The following DPH6 variants were observed in gnomAD, a reference collection of about 807,000 sequenced individuals.
DPH6 encodes the protein diphthine--ammonia ligase.
DPH6 carries 33 observed loss-of-function variants against 38.2 expected under a neutral mutation model. The observed-to-expected ratio is 0.86, with a 90% CI of 0.65 to 1.15. The LOEUF (loss-of-function observed/expected upper bound fraction) is 1.15. DPH6 is among the 50% of genes most tolerant of loss of function. The pLI is 0.00. For synonymous variants in DPH6, 108 were observed against 103.0 expected, an observed-to-expected ratio of 1.05 and a Z score of -0.30; for missense variants, 325 against 320.0, an observed-to-expected ratio of 1.02 and a Z score of -0.12.
At chr15:35,387,157 T>C (rs1008648700) in intron 6 of DPH6, among the ~76,000 whole-genome samples, 2 of 152,186 alleles carry the variant, frequency 1.3e-5, no homozygotes, top group Non-Finnish European at 2.9e-5. Flanking sequence ...GTTGTAGACA[T>C]GCGGCATTAT....
At chr15:35,461,601 G>A (rs1343319474) in intron 3 of DPH6, among the ~76,000 whole-genome samples, 1 of 150,110 alleles carries the variant, frequency 6.7e-6, no homozygotes, top group Non-Finnish European at 1.5e-5. Flanking sequence ...TTTTTTTTAA[G>A]GAAAGAAGGA....
Position 35,402,231 on chromosome 15 carries a change from T to G in DPH6, c.567+8604A>C, listed in dbSNP as rs559771667. ...TTGGAATTTATATACAACCTGCTTG[T>G]GTGGAGAAGCCATTGTCTTCAGAAA... On this transcript the variant is annotated intron_variant, in intron 6 of 8. Coordinates refer to ENST00000256538, the MANE Select transcript of DPH6 (RefSeq NM_080650.4). 5.9e-5 allele frequency among the ~76,000 whole-genome samples: 9 copies of G among 152,298 alleles called. No individual in the cohort carries two copies. In the East Asian group the frequency reaches 7.7e-4, roughly 13 times the overall value.
At chr15:35,447,100 A>T (rs1025785690) in intron 5 of DPH6, among the ~76,000 whole-genome samples, 1 of 151,430 alleles carries the variant, frequency 6.6e-6, no homozygotes, top group African/African-American at 2.4e-5. Context: ...CGATCTCCTG[A>T]CCTCGTGATC....
chr15:35,161,695 GCT>G, the DPH6 span, among the ~76,000 whole-genome samples: 113,554 of 150,104 alleles, frequency 0.76, 43,453 homozygotes, highest in African/African-American at 0.89. Flanking sequence ...TAGTGTGCTC[GCT>G]CTCTCTCTCT....
intron 3 of DPH6, among the ~76,000 whole-genome samples, chr15:35,527,780 TGA>T (rs1240849897): frequency 4.6e-5 from 7 of 152,254 alleles, no homozygotes; most frequent in African/African-American, 1.7e-4. Flanking sequence ...TAGGAGAATC[TGA>T]GAAAAGACAA....
intron 6 of DPH6, among the ~76,000 whole-genome samples, chr15:35,398,528 TGA>T (rs77893802): frequency 0.33 from 50,217 of 151,986 alleles, 9,250 homozygotes; most frequent in African/African-American, 0.5. Context: ...GATGGTGCGC[TGA>T]GAGACAGCCT....
At chr15:35,406,840 T>C (rs973010732) in intron 6 of DPH6, among the ~76,000 whole-genome samples, 1 of 152,006 alleles carries the variant, frequency 6.6e-6, no homozygotes, top group African/African-American at 2.4e-5. Flanking sequence ...TACATATACA[T>C]GTCTGAAACA....
intron 3 of DPH6, among the ~76,000 whole-genome samples, chr15:35,316,870 G>A (rs189985945): frequency 3.2e-4 from 48 of 152,246 alleles, no homozygotes; most frequent in Admixed American, 2.8e-3. Context: ...AATTATGGTT[G>A]ACTTCTTAAT....
chr15:35,200,053 T>C, the DPH6 span, among the ~76,000 whole-genome samples: 2 of 151,784 alleles, frequency 1.3e-5, no homozygotes, highest in Non-Finnish European at 2.9e-5. Flanking sequence ...TCCAAAAAAA[T>C]AAGAAATAAA....
rs1044898278 is a variant in DPH6, at chr15:35,323,210, T to G, written n.200+50311A>C. Among the ~76,000 whole-genome samples, 4 of 152,144 alleles carry G rather than the reference T, an allele frequency of 2.6e-5. No homozygotes were observed. The East Asian group carries it at 7.7e-4, about 29-fold the overall frequency. On this transcript the variant is annotated intron_variant and non_coding_transcript_variant, in intron 3 of 3. Transcript: ENST00000560386. Reference sequence around the variant, plus strand: ...TCTGAACAGGGCATTAAAAAATCTATTTAAGGATGATGTTATTAAGGTATA... The same window carrying G: ...TCTGAACAGGGCATTAAAAAATCTAGTTAAGGATGATGTTATTAAGGTATA...
rs1276190623 is a variant in DPH6, at chr15:35,289,714, C to CATCTT, written n.201-69137_201-69133dup. On this transcript the variant is annotated intron_variant and non_coding_transcript_variant, in intron 3 of 3. Coordinates refer to the DPH6 transcript ENST00000560386. Reference sequence around the variant, plus strand: ...ACTATTTTGCTGAAAGCAAATAACTCATCTTATAAATTAAAATGTATCTAA... The same window carrying CATCTT: ...ACTATTTTGCTGAAAGCAAATAACTCATCTTATCTTATAAATTAAAATGTATCTAA... Among the ~76,000 whole-genome samples, 11 of 152,270 alleles carry CATCTT rather than the reference C, an allele frequency of 7.2e-5. No individual in the cohort carries two copies. The South Asian group carries it at 2.3e-3, about 32-fold the overall frequency.
chr15:35,252,726 T>C (rs765282782), intron 3 of DPH6, among the ~76,000 whole-genome samples: 1 of 152,252 alleles, frequency 6.6e-6, no homozygotes, highest in Non-Finnish European at 1.5e-5. Flanking sequence ...AAATAAACTG[T>C]CTAAGACAGT....
At position 35,499,139 on chromosome 15, in the gene DPH6, A is replaced by C. The variant is rs111334549; in HGVS notation, c.312+39135T>G. ...AGTCTATACTTTTCCATTTTTCTAA[A>C]TTTGTCTCTTGACTGGTCTAGAACA... On this transcript the variant is annotated intron_variant, in intron 3 of 8. Transcript: ENST00000256538. Among the ~76,000 whole-genome samples, 993 of 152,008 alleles carry C rather than the reference A, an allele frequency of 6.5e-3. 18 individuals are homozygous for C. The highest frequency in any genetic ancestry group is 0.023 in the African/African-American group (956 of 41,468).
intron 6 of DPH6, chr15:35,396,080 G>T (rs1275782695): frequency 6.6e-6 from 1 of 152,104 alleles, no homozygotes; most frequent in Non-Finnish European, 1.5e-5. Flanking sequence ...AGATACTACT[G>T]CCAGTTACGC....
intron 7 of DPH6, among the ~76,000 whole-genome samples, chr15:35,380,001 A>G (rs1381131238): frequency 6.6e-6 from 1 of 152,174 alleles, no homozygotes; most frequent in Non-Finnish European, 1.5e-5. Flanking sequence ...TAGCCTATGA[A>G]GAAAAAAAAA....
At chr15:35,244,936 G>T (rs915008334) in intron 3 of DPH6, among the ~76,000 whole-genome samples, 1 of 152,172 alleles carries the variant, frequency 6.6e-6, no homozygotes, top group South Asian at 2.1e-4. Context: ...GCTCCTTCCA[G>T]CTACAATGTT....
chr15:35,389,200 G>C (rs1182247845), intron 6 of DPH6, among the ~76,000 whole-genome samples: 1 of 152,196 alleles, frequency 6.6e-6, no homozygotes, highest in East Asian at 1.9e-4. Flanking sequence ...ACTGTGGTCT[G>C]AGAGACAGTT....
intron 5 of DPH6, among the ~76,000 whole-genome samples, chr15:35,418,810 C>T (rs1368172926): frequency 6.6e-6 from 1 of 151,998 alleles, no homozygotes; most frequent in East Asian, 1.9e-4. Context: ...AGGTTTATCT[C>T]TTCAGTACAG....
chr15:35,443,774 T>TAA (rs1055361246), intron 5 of DPH6, among the ~76,000 whole-genome samples: 5 of 152,164 alleles, frequency 3.3e-5, no homozygotes, highest in African/African-American at 4.8e-5. Flanking sequence ...CAAGTTTCTG[T>TAA]AAAATTTGCT....
Sources: allele counts gnomAD v4.1 joint callset (sites outside exome capture counted in the v4.1 genomes callset), GRCh38; gene constraint gnomAD v4.1.1; transcripts MANE v1.5; gene names NCBI Gene and HGNC (gene_info 2026-07-23, HGNC 2026-07-21).